TCF12: variants seen among roughly 807,000 people sequenced by gnomAD.
The protein encoded by TCF12 is DNA-binding protein HTF4.
A neutral mutation model predicts 86.0 loss-of-function variants in TCF12; 45 were observed. The ratio of observed to expected loss-of-function variants is 0.52; its 90% CI spans 0.41 to 0.67. The LOEUF (loss-of-function observed/expected upper bound fraction) is 0.67. Among genes scored for constraint, TCF12 ranks in the 30% least tolerant of loss-of-function variants. The pLI, the probability that TCF12 is intolerant of heterozygous loss-of-function variation, is 0.00. For synonymous variants in TCF12, 330 were observed against 299.6 expected (o/e 1.10, Z -1.05); for missense variants, 881 against 859.9 (o/e 1.02, Z -0.31).
intron 9 of TCF12, among the ~76,000 whole-genome samples, chr15:57,231,920 T>A (rs1210180372): frequency 6.6e-6 from 1 of 152,230 alleles, no homozygotes; most frequent in Non-Finnish European, 1.5e-5. Context: ...TTTGATATAA[T>A]GCACATTGCG....
intron 3 of TCF12, among the ~76,000 whole-genome samples, chr15:56,951,873 C>T (rs2061291849): frequency 6.6e-6 from 1 of 152,120 alleles, no homozygotes; most frequent in Admixed American, 6.5e-5. Context: ...GTCTTGAACT[C>T]CTGGGCTCAG....
chr15:56,975,232 C>A (rs901521762), intron 3 of TCF12, among the ~76,000 whole-genome samples: 2 of 152,044 alleles, frequency 1.3e-5, no homozygotes, highest in Admixed American at 6.5e-5. Flanking sequence ...TGGCCATGAT[C>A]TAATAATAAG....
intron 11 of TCF12, among the ~76,000 whole-genome samples, chr15:57,233,687 G>T (rs1426075511): frequency 6.6e-6 from 1 of 151,942 alleles, no homozygotes; most frequent in Non-Finnish European, 1.5e-5. Flanking sequence ...ACATTTCTCA[G>T]ACTGGCCTTG....
At chr15:56,926,692 A>G (rs2060030794) in intron 3 of TCF12, among the ~76,000 whole-genome samples, 1 of 151,354 alleles carries the variant, frequency 6.6e-6, no homozygotes, top group South Asian at 2.1e-4. Context: ...ATATTTACAT[A>G]TTATTATCTG....
At chr15:57,006,789 G>A (rs1360731174) in intron 3 of TCF12, among the ~76,000 whole-genome samples, 1 of 151,858 alleles carries the variant, frequency 6.6e-6, no homozygotes, top group African/African-American at 2.4e-5. Context: ...GGTGGCATGC[G>A]TCTGTGGTCC....
intron 20 of TCF12, among the ~76,000 whole-genome samples, chr15:57,283,582 A>G (rs1275208906): frequency 6.6e-6 from 1 of 152,200 alleles, no homozygotes; most frequent in Non-Finnish European, 1.5e-5. Context: ...TCATTTTTAT[A>G]ATCTGCTTTC....
intron 5 of TCF12, chr15:57,134,297 A>G (rs2052363429): frequency 1.3e-5 from 2 of 152,280 alleles, no homozygotes; most frequent in African/African-American, 4.8e-5. Context: ...AAAAATAAAT[A>G]TGCAAATAAG....
intron 3 of TCF12, among the ~76,000 whole-genome samples, chr15:57,048,701 A>G (rs1596296658): frequency 1.3e-5 from 2 of 152,240 alleles, no homozygotes; most frequent in East Asian, 3.9e-4. Context: ...TTTAATGAAC[A>G]TAATTTGCTG....
chr15:57,108,403 G>C (rs1411785975), intron 5 of TCF12, among the ~76,000 whole-genome samples: 1 of 152,176 alleles, frequency 6.6e-6, no homozygotes, highest in African/African-American at 2.4e-5. Flanking sequence ...AGTTTACTGG[G>C]TGAGAAGTGG....
At chr15:57,246,916 C>T (rs1300856785) in intron 13 of TCF12, 7 of 504,186 alleles carry the variant, frequency 1.4e-5, no homozygotes, top group African/African-American at 7.8e-5. Flanking sequence ...GACAACTCCT[C>T]GTTCTCTCTC....
chr15:56,966,362 A>C (rs563048482), intron 3 of TCF12, among the ~76,000 whole-genome samples: 1 of 152,352 alleles, frequency 6.6e-6, no homozygotes, highest in Admixed American at 6.5e-5. Context: ...CAATGGCAAA[A>C]ACCGCAGTTA....
chr15:57,037,226 A>G lies in TCF12; in HGVS notation c.149-26524A>G, dbSNP rs147069889. ...CACTTTGGGAGGCCAAGGCGAGCGGATCACCTGAGGTCAGGAGTTCGAGAT... is the reference window on the plus strand; with the variant it reads ...CACTTTGGGAGGCCAAGGCGAGCGGGTCACCTGAGGTCAGGAGTTCGAGAT... On this transcript the variant is annotated intron_variant, in intron 3 of 20. Coordinates refer to ENST00000333725, the MANE Select transcript of TCF12 (RefSeq NM_207037.2). 5.9e-5 allele frequency among the ~76,000 whole-genome samples: 9 copies of G among 152,274 alleles called. No individual in the cohort carries two copies. In the East Asian group the frequency reaches 1.7e-3, roughly 29 times the overall value.
At chr15:57,028,707 C>G (rs1411300613) in intron 3 of TCF12, among the ~76,000 whole-genome samples, 2 of 151,988 alleles carry the variant, frequency 1.3e-5, no homozygotes, top group East Asian at 1.9e-4. Context: ...CTTTCATTGT[C>G]TTGTCTAAAA....
At chr15:57,270,345 G>T (rs1490327584) in intron 18 of TCF12, among the ~76,000 whole-genome samples, 9 of 151,926 alleles carry the variant, frequency 5.9e-5, no homozygotes, top group Non-Finnish European at 1.3e-4. Context: ...CTGCTTGATC[G>T]CATCAGCTAT....
chr15:56,923,289 G>A (rs1316378601), intron 3 of TCF12, among the ~76,000 whole-genome samples: 1 of 152,010 alleles, frequency 6.6e-6, no homozygotes, highest in Admixed American at 6.6e-5. Context: ...ACTATAGCAT[G>A]TGATGTTATC....
At chr15:57,214,396 G>A (rs2058248129) in intron 8 of TCF12, 1 of 152,144 alleles carries the variant, frequency 6.6e-6, no homozygotes, top group Non-Finnish European at 1.5e-5. Flanking sequence ...TTCTCCAGGA[G>A]GTATGGCTGT....
At chr15:56,951,143 G>T (rs559920761) in intron 3 of TCF12, among the ~76,000 whole-genome samples, 17 of 152,224 alleles carry the variant, frequency 1.1e-4, no homozygotes, top group African/African-American at 4.1e-4. Flanking sequence ...CAAAGCGGTT[G>T]TATCATTTTA....
At chr15:56,931,129 A>C (rs1226596454) in intron 3 of TCF12, among the ~76,000 whole-genome samples, 2 of 151,672 alleles carry the variant, frequency 1.3e-5, no homozygotes, top group African/African-American at 4.9e-5. Context: ...TTTTGTTCTC[A>C]AAAGTCTCAA....
chr15:56,938,438 C>T lies in TCF12; in HGVS notation c.148+17340C>T, dbSNP rs548799422. Among the ~76,000 whole-genome samples the T allele has an allele frequency of 4.6e-5, 7 of 151,990 alleles. No individual in the cohort carries two copies. The East Asian group carries it at 9.8e-4, about 21-fold the overall frequency. On this transcript the variant is annotated intron_variant, in intron 3 of 20. Coordinates refer to ENST00000333725, the MANE Select transcript of TCF12 (RefSeq NM_207037.2). ...CCTCCCAAAGTGTTGGGATTACAGGCGTGAGCCACCGTGTCTGGCCTGTAG... is the reference window on the plus strand; with the variant it reads ...CCTCCCAAAGTGTTGGGATTACAGGTGTGAGCCACCGTGTCTGGCCTGTAG...
Sources: gnomAD v4.1 joint callset for allele counts (sites outside exome capture counted in the v4.1 genomes callset) on GRCh38, gnomAD v4.1.1 for gene constraint, MANE v1.5 for transcripts, NCBI Gene and HGNC (gene_info 2026-07-23, HGNC 2026-07-21) for gene names.